MAOA: variants seen among roughly 807,000 people sequenced by gnomAD.
The protein encoded by MAOA is monoamine oxidase A, also known as amine oxidase [flavin-containing] A.
MAOA carries 6 observed loss-of-function variants against 42.0 expected under a neutral mutation model. That is an observed-to-expected ratio of 0.14 (90% CI 0.08 to 0.28). MAOA has a LOEUF of 0.28. Ranked by LOEUF, MAOA falls within the 10% of genes least tolerant of loss-of-function variation. MAOA has a pLI of 1.00. For missense variants in MAOA, 262 were observed against 422.3 expected, an observed-to-expected ratio of 0.62 and a Z score of 3.33; for synonymous variants, 140 against 154.0, an observed-to-expected ratio of 0.91 and a Z score of 0.67.
intron 1 of MAOA, among the ~76,000 whole-genome samples, chrX:43,681,881 T>TATATATATA (rs368648935): frequency 6.6e-5 from 4 of 60,702 alleles, no homozygotes; most frequent in Admixed American, 4.2e-4. Flanking sequence ...TATATATATA[T>TATATATATA]TTTTTTTTTT....
At chrX:43,672,373 A>G (rs1354322095) in intron 1 of MAOA, among the ~76,000 whole-genome samples, 2 of 110,939 alleles carry the variant, frequency 1.8e-5, no homozygotes, top group African/African-American at 6.6e-5. Flanking sequence ...TAGATATACA[A>G]TCATGTCGTC....
chrX:43,738,547 G>A lies in MAOA; in HGVS notation c.1107-2134G>A, dbSNP rs189060866. 5.5e-3 allele frequency among the ~76,000 whole-genome samples: 616 copies of A among 111,900 alleles called. 1 individual carries two copies. The highest frequency in any genetic ancestry group is 0.018 in the South Asian group (47 of 2,671). ...AGAAAGTAAGTTAAGCAGGCCTGGC[G>A]CATTGGCTCACACCTGTAATCCCAA... On this transcript the variant is annotated intron_variant, in intron 10 of 14. Transcript: ENST00000338702.
chrX:43,676,482 G>A (rs1363646014), intron 1 of MAOA, among the ~76,000 whole-genome samples: 1 of 111,364 alleles, frequency 9.0e-6, no homozygotes, highest in Non-Finnish European at 1.9e-5. Flanking sequence ...GCACTCCCTA[G>A]TGAGATGAAC....
intron 5 of MAOA, among the ~76,000 whole-genome samples, chrX:43,722,986 A>G (rs758773771): frequency 9.8e-5 from 11 of 111,716 alleles, no homozygotes; most frequent in African/African-American, 2.9e-4. Context: ...GTCAAAGATC[A>G]AATGGTTGTA....
chrX:43,667,121 C>T (rs910804860), intron 1 of MAOA, among the ~76,000 whole-genome samples: 4 of 110,298 alleles, frequency 3.6e-5, no homozygotes, highest in African/African-American at 1.3e-4. Flanking sequence ...CACATGTACC[C>T]TAGAACTTAA....
chrX:43,676,222 C>T (rs1280908010), intron 1 of MAOA, among the ~76,000 whole-genome samples: 1 of 111,843 alleles, frequency 8.9e-6, no homozygotes, highest in East Asian at 2.8e-4. Flanking sequence ...ATCAGCAAGA[C>T]GCCATGGGCG....
chrX:43,713,886 A>G (rs568662118), intron 5 of MAOA, among the ~76,000 whole-genome samples: 1 of 111,349 alleles, frequency 9.0e-6, no homozygotes, highest in African/African-American at 3.3e-5. Context: ...GGGCGATGGT[A>G]TCTTCCAGGA....
At chrX:43,693,214 T>C (rs1462517378) in intron 2 of MAOA, 77 bp from the exon 3 acceptor site, 8 of 1,003,293 alleles carry the variant, frequency 8.0e-6, no homozygotes, top group Admixed American at 2.3e-5. Context: ...AAAAAATAAA[T>C]GGGGTTATTT....
At chrX:43,711,213 G>T (rs1483260789) in intron 3 of MAOA, among the ~76,000 whole-genome samples, 1 of 111,026 alleles carries the variant, frequency 9.0e-6, no homozygotes, top group South Asian at 3.8e-4. Context: ...GGACCATCCT[G>T]CCTACACAGC....
intron 1 of MAOA, among the ~76,000 whole-genome samples, chrX:43,679,337 C>A (rs1286174850): frequency 2.8e-5 from 3 of 108,311 alleles, no homozygotes; most frequent in African/African-American, 1.0e-4. Context: ...GCACTGAAAT[C>A]CATTCATAAA....
chrX:43,746,497 C>G lies in MAOA; in HGVS notation c.*1984C>G, dbSNP rs1476236445. On this transcript the variant is annotated 3_prime_UTR_variant, in exon 15 of 15. Coordinates refer to ENST00000338702, the MANE Select transcript of MAOA (RefSeq NM_000240.4). ...GTTTAAGAGGCTGATAGATCTTGGC[C>G]CTGTTAAGGCATCCACTTCACAGTT... 1 of 111,486 alleles carries G rather than the reference C, an allele frequency of 9.0e-6. No individual in the cohort carries two copies. Among genetic ancestry groups the G allele is most frequent in the Non-Finnish European group, 1.9e-5 (1 of 53,088 alleles). The allele number at this position is 111,486 out of a possible 1,213,427, so 9.2% of individuals were successfully genotyped here.
intron 1 of MAOA, among the ~76,000 whole-genome samples, chrX:43,665,222 T>C (rs1360918710): frequency 1.8e-5 from 2 of 111,567 alleles, no homozygotes; most frequent in Admixed American, 1.9e-4. Context: ...CTAAAGTGTG[T>C]TTTCAGGTAT....
At chrX:43,700,461 A>C (rs1483964802) in intron 3 of MAOA, among the ~76,000 whole-genome samples, 1 of 111,799 alleles carries the variant, frequency 8.9e-6, no homozygotes, top group South Asian at 3.7e-4. Flanking sequence ...GACACAGTTT[A>C]TATTTCACAG....
chrX:43,711,808 A>G (rs957162613), intron 3 of MAOA, 64 bp from the exon 4 acceptor site: 3 of 902,951 alleles, frequency 3.3e-6, no homozygotes, highest in Non-Finnish European at 4.8e-6. Flanking sequence ...TTGTTGTTTT[A>G]GAACACCATT....
intron 1 of MAOA, among the ~76,000 whole-genome samples, chrX:43,674,347 C>T (rs371896366): frequency 7.2e-4 from 80 of 110,452 alleles, no homozygotes; most frequent in Middle Eastern, 4.6e-3. Context: ...TGTCTCTGCA[C>T]GTGAGATGGG....
At chrX:43,666,842 A>G (rs2033283121) in intron 1 of MAOA, among the ~76,000 whole-genome samples, 1 of 110,226 alleles carries the variant, frequency 9.1e-6, no homozygotes, top group Admixed American at 9.8e-5. Flanking sequence ...CTTTGAGCAC[A>G]TCGGCCTTTT....
intron 5 of MAOA, among the ~76,000 whole-genome samples, chrX:43,720,010 A>G (rs1569198760): frequency 9.1e-6 from 1 of 110,228 alleles, no homozygotes; most frequent in African/African-American, 3.3e-5. Flanking sequence ...AGTTCTGTGT[A>G]GGGGTATAGT....
intron 1 of MAOA, among the ~76,000 whole-genome samples, chrX:43,674,113 T>C (rs766895461): frequency 9.0e-6 from 1 of 111,709 alleles, no homozygotes; most frequent in South Asian, 3.8e-4. Context: ...GGACTTGCTT[T>C]ATGAATCTGG....
At chrX:43,740,480 A>G (rs2033951584) in intron 10 of MAOA, among the ~76,000 whole-genome samples, 1 of 111,854 alleles carries the variant, frequency 8.9e-6, no homozygotes, top group South Asian at 3.7e-4. Flanking sequence ...TTAAATGACT[A>G]CTGAGGCATT....
Sources: allele counts gnomAD v4.1 joint callset (sites outside exome capture counted in the v4.1 genomes callset), GRCh38; gene constraint gnomAD v4.1.1; transcripts MANE v1.5; gene names NCBI Gene and HGNC (gene_info 2026-07-23, HGNC 2026-07-21).